Variants in CDH6 observed in about 807,000 individuals in gnomAD.
CDH6 encodes cadherin 6.
A neutral mutation model predicts 78.0 loss-of-function variants in CDH6; 31 were observed. The observed-to-expected ratio is 0.40, with a 90% CI of 0.30 to 0.54. The LOEUF (loss-of-function observed/expected upper bound fraction) is 0.54, where lower values mean the gene tolerates loss of function less well. Among genes scored for constraint, CDH6 ranks in the 20% least tolerant of loss-of-function variants. CDH6 has a pLI of 0.56. For missense variants in CDH6, 724 were observed against 975.9 expected, an observed-to-expected ratio of 0.74 and a Z score of 3.44; for synonymous variants, 376 against 368.8, an observed-to-expected ratio of 1.02 and a Z score of -0.23.
intron 1 of CDH6, among the ~76,000 whole-genome samples, chr5:31,241,369 G>A (rs76490306): frequency 0.013 from 1,944 of 152,274 alleles, 46 homozygotes; most frequent in African/African-American, 0.044. Flanking sequence ...CTTGCTGTTT[G>A]GATCCCCTCA....
intron 1 of CDH6, among the ~76,000 whole-genome samples, chr5:31,199,854 C>T (rs533384106): frequency 1.6e-4 from 24 of 151,854 alleles, no homozygotes; most frequent in Admixed American, 7.2e-4. Context: ...ACATGCATTT[C>T]GCATAGCAAT....
chr5:31,244,501 G>C (rs1044100006), intron 1 of CDH6, among the ~76,000 whole-genome samples: 1 of 152,130 alleles, frequency 6.6e-6, no homozygotes, highest in African/African-American at 2.4e-5. Context: ...GTTCCCTGCA[G>C]TTGGGAGGCT....
chr5:31,205,274 T>C (rs1314804092), intron 1 of CDH6, among the ~76,000 whole-genome samples: 6 of 152,212 alleles, frequency 3.9e-5, no homozygotes, highest in Admixed American at 2.0e-4. Context: ...TTCTATCTCA[T>C]GCTAACAACT....
intron 1 of CDH6, among the ~76,000 whole-genome samples, chr5:31,228,686 G>A (rs1300382408): frequency 2.6e-5 from 4 of 152,316 alleles, no homozygotes; most frequent in South Asian, 4.1e-4. Flanking sequence ...TAAGGAGCAC[G>A]CAACCTGCAT....
chr5:31,322,068 C>T (rs1337141883), intron 11 of CDH6, among the ~76,000 whole-genome samples: 1 of 152,082 alleles, frequency 6.6e-6, no homozygotes, highest in Non-Finnish European at 1.5e-5. Context: ...CAGTAACAAA[C>T]TTATAGAACA....
chr5:31,291,280 A>C (rs1180296071), intron 2 of CDH6, among the ~76,000 whole-genome samples: 1 of 152,216 alleles, frequency 6.6e-6, no homozygotes, highest in East Asian at 1.9e-4. Context: ...CAAAGTCTTC[A>C]AAACAAAGTT....
At chr5:31,269,523 C>T (rs1742461666) in intron 2 of CDH6, among the ~76,000 whole-genome samples, 1 of 152,108 alleles carries the variant, frequency 6.6e-6, no homozygotes, top group Non-Finnish European at 1.5e-5. Context: ...CAATGCCTAC[C>T]TGGTGGAGTT....
At chr5:31,297,076 T>A (rs1171999134) in intron 3 of CDH6, among the ~76,000 whole-genome samples, 1 of 152,186 alleles carries the variant, frequency 6.6e-6, no homozygotes, top group East Asian at 1.9e-4. Context: ...ATCATTCCCA[T>A]GCTTTTCTGT....
chr5:31,268,646 G>C (rs1266547650), intron 2 of CDH6, among the ~76,000 whole-genome samples: 5 of 152,058 alleles, frequency 3.3e-5, no homozygotes, highest in Non-Finnish European at 7.4e-5. Context: ...AACATAAAAA[G>C]ATACATGAGA....
chr5:31,321,837 A>C (rs370561481), intron 11 of CDH6, among the ~76,000 whole-genome samples: 4 of 152,274 alleles, frequency 2.6e-5, no homozygotes, highest in South Asian at 4.1e-4. Context: ...CAGTTTAACA[A>C]TTCACTTTTT....
At chr5:31,286,728 G>C (rs925300842) in intron 2 of CDH6, among the ~76,000 whole-genome samples, 1 of 152,170 alleles carries the variant, frequency 6.6e-6, no homozygotes, top group African/African-American at 2.4e-5. Flanking sequence ...TTCTTAAGTT[G>C]ATCTAGTTAC....
intron 1 of CDH6, among the ~76,000 whole-genome samples, chr5:31,226,215 C>T (rs185594377): frequency 7.9e-5 from 12 of 152,244 alleles, no homozygotes; most frequent in African/African-American, 2.9e-4. Flanking sequence ...CACTCAGTCA[C>T]CCAGGCTGGA....
At chr5:31,196,058 C>A (rs114819182) in intron 1 of CDH6, among the ~76,000 whole-genome samples, 1,596 of 152,324 alleles carry the variant, frequency 0.01, 14 homozygotes, top group Middle Eastern at 0.017. Context: ...ATTGCACTTA[C>A]ATTTTGTACT....
intron 1 of CDH6, among the ~76,000 whole-genome samples, chr5:31,242,960 C>T (rs754487566): frequency 6.6e-6 from 1 of 152,120 alleles, no homozygotes; most frequent in Non-Finnish European, 1.5e-5. Context: ...GTTTCTATCA[C>T]TCTAAGTCTT....
At chr5:31,230,977 G>A (rs751263009) in intron 1 of CDH6, among the ~76,000 whole-genome samples, 1 of 152,078 alleles carries the variant, frequency 6.6e-6, no homozygotes, top group Non-Finnish European at 1.5e-5. Flanking sequence ...AAATATGCAG[G>A]AAACACAATA....
rs151043213 is a variant in CDH6 at position 31,328,175 on chromosome 5, C to CTTTTTTTT, written c.*4881_*4888dup. 1 of 120,292 alleles carries CTTTTTTTT rather than the reference C, an allele frequency of 8.3e-6. No homozygotes were observed. Among genetic ancestry groups the CTTTTTTTT allele is most frequent in the South Asian group, 3.1e-4 (1 of 3,216 alleles). 7.5% of individuals were successfully genotyped at this position (120,292 alleles called of 1,614,324 possible). On this transcript the variant is annotated 3_prime_UTR_variant, in exon 12 of 12. Transcript: ENST00000265071. ...AGAGCTTTTACAAGTTGCTTAATTC[C>CTTTTTTTT]TTTTTTTTTTTTTTTTTTTTTCAAA...
At chr5:31,296,322 A>G (rs986636476) in intron 3 of CDH6, among the ~76,000 whole-genome samples, 16 of 152,160 alleles carry the variant, frequency 1.1e-4, no homozygotes, top group Non-Finnish European at 2.1e-4. Context: ...TATAAAATCT[A>G]CAGAATTTCT....
intron 8 of CDH6, 54 bp from the exon 9 acceptor site, chr5:31,316,154 G>A (rs921641656): frequency 6.4e-7 from 1 of 1,570,524 alleles, no homozygotes; most frequent in Non-Finnish European, 8.6e-7. Flanking sequence ...TTGTCTAAAG[G>A]GAATCGGCAA....
At chr5:31,273,870 A>G (rs4867324) in intron 2 of CDH6, among the ~76,000 whole-genome samples, 25,949 of 152,210 alleles carry the variant, frequency 0.17, 2,555 homozygotes, top group East Asian at 0.26. Context: ...AGCATTTTAA[A>G]AGTAGATATG....
Sources: allele counts gnomAD v4.1 joint callset (sites outside exome capture counted in the v4.1 genomes callset), GRCh38; gene constraint gnomAD v4.1.1; transcripts MANE v1.5; gene names NCBI Gene and HGNC (gene_info 2026-07-23, HGNC 2026-07-21).